The following NELL2 variants were observed in gnomAD, a reference collection of about 807,000 sequenced individuals.
NELL2 encodes the protein protein kinase C-binding protein NELL2.
Under a neutral mutation model 109.6 loss-of-function variants are expected in NELL2, and 41 were observed. The observed-to-expected ratio is 0.37, with a 90% CI of 0.29 to 0.49. The LOEUF is 0.49. NELL2 is among the 20% of genes least tolerant of loss of function. The pLI is 0.98. For synonymous variants in NELL2, 355 were observed against 344.7 expected (o/e 1.03, Z -0.33); for missense variants, 900 against 1,008.3 (o/e 0.89, Z 1.45).
At chr12:44,719,015 T>C (rs2136450348) in intron 9 of NELL2, among the ~76,000 whole-genome samples, 1 of 152,286 alleles carries the variant, frequency 6.6e-6, no homozygotes, top group Admixed American at 6.5e-5. Flanking sequence ...ATGTATACGT[T>C]CTACCAAGGC....
chr12:44,686,033 T>C (rs905889814), intron 12 of NELL2, among the ~76,000 whole-genome samples: 1 of 152,200 alleles, frequency 6.6e-6, no homozygotes, highest in African/African-American at 2.4e-5. Context: ...TTCCATTCTC[T>C]CCATTACTTT....
At chr12:44,767,642 G>A (rs565531040) in intron 9 of NELL2, among the ~76,000 whole-genome samples, 2 of 152,068 alleles carry the variant, frequency 1.3e-5, no homozygotes, top group Non-Finnish European at 2.9e-5. Flanking sequence ...AATATCTTTA[G>A]AGAGGGAAGA....
intron 15 of NELL2, among the ~76,000 whole-genome samples, chr12:44,554,304 A>G (rs1339748633): frequency 6.6e-6 from 1 of 152,218 alleles, no homozygotes; most frequent in Non-Finnish European, 1.5e-5. Flanking sequence ...ACTGTCAACT[A>G]ATATTAGAGA....
intron 15 of NELL2, among the ~76,000 whole-genome samples, chr12:44,598,877 ACACACACTCT>A (rs935777438): frequency 6.7e-6 from 1 of 148,904 alleles, no homozygotes; most frequent in African/African-American, 2.5e-5. Context: ...ACACACACAC[ACACACACTCT>A]CTCTCTCTCT....
chr12:44,861,375 A>T (rs117130743), intron 2 of NELL2, among the ~76,000 whole-genome samples: 32 of 152,300 alleles, frequency 2.1e-4, no homozygotes, highest in Admixed American at 6.5e-5. Context: ...TCTAGTGCCA[A>T]ACCGGATCCC....
intron 15 of NELL2, among the ~76,000 whole-genome samples, chr12:44,590,493 A>T (rs994982961): frequency 6.6e-6 from 1 of 152,174 alleles, no homozygotes; most frequent in Non-Finnish European, 1.5e-5. Context: ...AGATTTTTTA[A>T]AGCAGTATAC....
At chr12:44,606,936 A>G (rs1419119680) in intron 15 of NELL2, among the ~76,000 whole-genome samples, 1 of 152,114 alleles carries the variant, frequency 6.6e-6, no homozygotes, top group African/African-American at 2.4e-5. Flanking sequence ...GTTTCTGAAA[A>G]GTTCAATATG....
At chr12:44,583,216 T>A (rs1213448290) in intron 15 of NELL2, among the ~76,000 whole-genome samples, 1 of 152,182 alleles carries the variant, frequency 6.6e-6, no homozygotes, top group East Asian at 1.9e-4. Context: ...GAATCTTCAA[T>A]GAATGAAAGT....
intron 15 of NELL2, among the ~76,000 whole-genome samples, chr12:44,551,953 G>A (rs1943057548): frequency 6.6e-6 from 1 of 152,104 alleles, no homozygotes; most frequent in African/African-American, 2.4e-5. Flanking sequence ...CAAACTGAAG[G>A]AGCCCAGGGA....
intron 11 of NELL2, among the ~76,000 whole-genome samples, chr12:44,707,972 G>C (rs1937977723): frequency 6.6e-6 from 1 of 152,128 alleles, no homozygotes; most frequent in African/African-American, 2.4e-5. Context: ...TTATAATTAT[G>C]AGTTGAGATG....
rs1448075396 is a variant in NELL2, at chr12:44,581,257, T to C, written c.1663+25912A>G. Among the ~76,000 whole-genome samples, 5 of 152,164 alleles carry C rather than the reference T, an allele frequency of 3.3e-5. No individual in the cohort carries two copies. The South Asian group carries it at 8.3e-4, about 25-fold the overall frequency. ...ATGTAAGTTTTAATTATAGGAAAAG[T>C]AGTCAGAGCTCTACATCTTAAAGAT... is the stretch of plus-strand genomic sequence containing the variant. On this transcript the variant is annotated intron_variant, in intron 15 of 19. Coordinates refer to ENST00000429094, the MANE Select transcript of NELL2 (RefSeq NM_001145108.2).
At chr12:44,785,000 T>G (rs1289559918) in intron 3 of NELL2, among the ~76,000 whole-genome samples, 1 of 152,212 alleles carries the variant, frequency 6.6e-6, no homozygotes, top group East Asian at 1.9e-4. Flanking sequence ...CTCACAACTC[T>G]TATTCAACAC....
intron 9 of NELL2, among the ~76,000 whole-genome samples, chr12:44,758,777 AG>A (rs1246164491): frequency 2.0e-5 from 3 of 152,202 alleles, no homozygotes; most frequent in Non-Finnish European, 4.4e-5. Flanking sequence ...CCACTCACTC[AG>A]GACCACTGTT....
chr12:44,608,740 C>T (rs1479214260), intron 14 of NELL2, among the ~76,000 whole-genome samples: 1 of 151,704 alleles, frequency 6.6e-6, no homozygotes, highest in Non-Finnish European at 1.5e-5. Flanking sequence ...TAGATGAAAC[C>T]TTAAGCCTAA....
intron 15 of NELL2, among the ~76,000 whole-genome samples, chr12:44,598,703 C>T (rs1366199035): frequency 6.6e-6 from 1 of 151,920 alleles, no homozygotes; most frequent in Admixed American, 6.6e-5. Flanking sequence ...AATGAAAATT[C>T]CTATGTGGCA....
intron 9 of NELL2, among the ~76,000 whole-genome samples, chr12:44,723,996 C>T (rs1938932898): frequency 1.3e-5 from 2 of 151,800 alleles, no homozygotes. Flanking sequence ...AACCTAACTG[C>T]CAATCAACAA....
chr12:44,803,898 T>G (rs1423167937), intron 3 of NELL2, among the ~76,000 whole-genome samples: 2 of 151,948 alleles, frequency 1.3e-5, no homozygotes, highest in Non-Finnish European at 2.9e-5. Flanking sequence ...CAGCAAAAAA[T>G]TATTTTAAAT....
intron 15 of NELL2, among the ~76,000 whole-genome samples, chr12:44,605,643 T>A (rs1411300500): frequency 6.6e-6 from 1 of 152,178 alleles, no homozygotes; most frequent in Non-Finnish European, 1.5e-5. Context: ...TGTGCAGGAT[T>A]GTGCACGGCC....
At chr12:44,726,788 T>C (rs769039612) in intron 9 of NELL2, among the ~76,000 whole-genome samples, 2 of 152,186 alleles carry the variant, frequency 1.3e-5, no homozygotes, top group African/African-American at 4.8e-5. Context: ...TTAATTTGTA[T>C]AAAACAAATT....
Sources: gnomAD v4.1 joint callset for allele counts (sites outside exome capture counted in the v4.1 genomes callset) on GRCh38, gnomAD v4.1.1 for gene constraint, MANE v1.5 for transcripts, NCBI Gene and HGNC (gene_info 2026-07-23, HGNC 2026-07-21) for gene names.